Variants in POLA1 observed in about 807,000 individuals in gnomAD.
The protein encoded by POLA1 is DNA polymerase alpha 1, catalytic subunit, also known as DNA polymerase alpha catalytic subunit.
POLA1 carries 15 observed loss-of-function variants against 124.0 expected under a neutral mutation model. That is an observed-to-expected ratio of 0.12 (90% confidence interval 0.08 to 0.19). The LOEUF is 0.19. Among genes scored for constraint, POLA1 ranks in the 10% least tolerant of loss-of-function variants. The pLI is 1.00. For missense variants in POLA1, 886 were observed against 1,103.4 expected (o/e 0.80, Z 2.79); for synonymous variants, 408 against 389.4 (o/e 1.05, Z -0.56).
intron 26 of POLA1, among the ~76,000 whole-genome samples, chrX:24,792,789 T>C (rs1427525750): frequency 4.5e-5 from 5 of 112,161 alleles, no homozygotes; most frequent in Non-Finnish European, 9.4e-5. Context: ...TATAACTATG[T>C]AAATTAACAT....
rs189671715 is a variant in POLA1 at position 24,696,491 on chromosome X, C to T, written c.43+2487C>T. On this transcript the variant is annotated intron_variant, in intron 1 of 36. Transcript: ENST00000379068. ...TGTAGAATCTTTTAAAACCCATGCC[C>T]CCTTCCTTGTGACACTAGCTTCTGA... Among the ~76,000 whole-genome samples, 5 of 111,952 alleles carry T rather than the reference C, an allele frequency of 4.5e-5. No individual in the cohort carries two copies. In the Admixed American group the frequency reaches 4.7e-4, roughly 11 times the overall value.
At chrX:24,717,187 G>A (rs1403610960) in intron 8 of POLA1, 103 bp from the exon 9 acceptor site, 3 of 671,952 alleles carry the variant, frequency 4.5e-6, no homozygotes, top group Non-Finnish European at 7.0e-6. Flanking sequence ...GGGACAGGCT[G>A]CTATTTTAGT....
intron 34 of POLA1, among the ~76,000 whole-genome samples, chrX:24,860,529 A>G (rs745393215): frequency 2.7e-5 from 3 of 112,672 alleles, no homozygotes; most frequent in Admixed American, 9.4e-5. Flanking sequence ...CAGAATGGCT[A>G]TTTCCCATTT....
intron 35 of POLA1, among the ~76,000 whole-genome samples, chrX:24,907,517 G>A (rs938708371): frequency 1.8e-5 from 2 of 111,303 alleles, no homozygotes; most frequent in Admixed American, 1.9e-4. Context: ...ACATATATAA[G>A]AAAAAAAGAT....
chrX:24,780,520 T>C (rs2045240051), intron 26 of POLA1, among the ~76,000 whole-genome samples: 1 of 112,577 alleles, frequency 8.9e-6, no homozygotes, highest in African/African-American at 3.2e-5. Flanking sequence ...TGTTGGATTT[T>C]TTCAAATGCC....
chrX:24,771,837 T>C (rs2045043604), intron 26 of POLA1, among the ~76,000 whole-genome samples: 2 of 111,982 alleles, frequency 1.8e-5, no homozygotes, highest in African/African-American at 6.5e-5. Context: ...TTCATCCTAA[T>C]GGTTTTTATT....
intron 36 of POLA1, among the ~76,000 whole-genome samples, chrX:24,975,045 T>G (rs1453381376): frequency 1.8e-5 from 2 of 112,667 alleles, no homozygotes; most frequent in African/African-American, 6.5e-5. Context: ...GAAGTCTCGC[T>G]CTGTCACCCA....
At chrX:24,952,695 A>G (rs1214166439) in intron 36 of POLA1, among the ~76,000 whole-genome samples, 1 of 112,616 alleles carries the variant, frequency 8.9e-6, no homozygotes, top group African/African-American at 3.2e-5. Context: ...AAATTAATAA[A>G]TGCAGTTTTT....
At chrX:24,929,790 A>C (rs961743527) in intron 35 of POLA1, among the ~76,000 whole-genome samples, 3 of 112,343 alleles carry the variant, frequency 2.7e-5, no homozygotes, top group Non-Finnish European at 5.6e-5. Flanking sequence ...TGCTGAGTGA[A>C]TAGTAGTTCA....
At chrX:24,903,337 TTTCTC>T (rs1309282021) in intron 35 of POLA1, among the ~76,000 whole-genome samples, 1 of 112,839 alleles carries the variant, frequency 8.9e-6, no homozygotes, top group African/African-American at 3.2e-5. Context: ...GCTTTATTGT[TTTCTC>T]TTCATTCTCA....
chrX:24,793,919 C>T lies in POLA1; in HGVS notation c.2965-15979C>T, dbSNP rs1602399908. Among the ~76,000 whole-genome samples, 2 of 110,376 alleles carry T rather than the reference C, an allele frequency of 1.8e-5. 1 individual carries two copies. Among genetic ancestry groups the T allele is most frequent in the South Asian group, 8.1e-4 (2 of 2,482 alleles). ...CTCTTGATTGTGGGTGGATGGACCC[C>T]GCCATCCCCTCGGAAGAGACCTGTT... On this transcript the variant is annotated intron_variant, in intron 26 of 36. Coordinates refer to ENST00000379068, the MANE Select transcript of POLA1 (RefSeq NM_001330360.2).
chrX:24,696,472 A>C (rs1414780038), intron 1 of POLA1, among the ~76,000 whole-genome samples: 4 of 111,993 alleles, frequency 3.6e-5, no homozygotes, highest in Non-Finnish European at 5.6e-5. Context: ...TACTTGTAGA[A>C]TCTTTTAAAA....
At chrX:24,941,880 A>C (rs911211037) in intron 36 of POLA1, among the ~76,000 whole-genome samples, 1 of 112,338 alleles carries the variant, frequency 8.9e-6, no homozygotes, top group Non-Finnish European at 1.9e-5. Flanking sequence ...AGTTCGTAGA[A>C]AGATAGATTT....
At chrX:24,863,120 G>C (rs1013426535) in intron 34 of POLA1, among the ~76,000 whole-genome samples, 1 of 111,562 alleles carries the variant, frequency 9.0e-6, no homozygotes, top group Non-Finnish European at 1.9e-5. Context: ...TAGAATAAAG[G>C]TAAAATGTAA....
intron 34 of POLA1, among the ~76,000 whole-genome samples, chrX:24,865,964 G>A (rs557307038): frequency 4.5e-5 from 5 of 111,654 alleles, no homozygotes; most frequent in African/African-American, 1.6e-4. Flanking sequence ...ACTGAGCTTT[G>A]GGGTGACAAA....
intron 28 of POLA1, among the ~76,000 whole-genome samples, chrX:24,811,901 C>T (rs896567106): frequency 2.7e-5 from 3 of 112,435 alleles, no homozygotes; most frequent in Non-Finnish European, 1.9e-5. Context: ...CTCTTAATAG[C>T]AATTTGCAAT....
At chrX:24,777,389 A>G (rs1041550494) in intron 26 of POLA1, among the ~76,000 whole-genome samples, 1 of 112,655 alleles carries the variant, frequency 8.9e-6, no homozygotes, top group African/African-American at 3.2e-5. Flanking sequence ...TGTTTTGGGA[A>G]GAACTTAAGT....
intron 26 of POLA1, among the ~76,000 whole-genome samples, chrX:24,798,552 T>C (rs779215106): frequency 9.0e-6 from 1 of 111,572 alleles, no homozygotes; most frequent in South Asian, 3.8e-4. Flanking sequence ...AAACCATTTT[T>C]TTCTAGTTTA....
chrX:24,712,612 C>T (rs1929537530), intron 4 of POLA1, among the ~76,000 whole-genome samples: 2 of 111,348 alleles, frequency 1.8e-5, no homozygotes, highest in South Asian at 3.7e-4. Flanking sequence ...TTTCTTTTTA[C>T]ACCAATTCTG....
Sources: allele counts gnomAD v4.1 joint callset (sites outside exome capture counted in the v4.1 genomes callset), GRCh38; gene constraint gnomAD v4.1.1; transcripts MANE v1.5; gene names NCBI Gene and HGNC (gene_info 2026-07-23, HGNC 2026-07-21).